Variants in CSGALNACT1 observed in about 807,000 individuals in gnomAD.
CSGALNACT1 encodes the protein beta4GalNAcT-1.
CSGALNACT1 carries 52 observed loss-of-function variants against 51.0 expected under a neutral mutation model. The observed-to-expected ratio is 1.02, with a 90% confidence interval of 0.82 to 1.29. The LOEUF is 1.29. Ranked by LOEUF, CSGALNACT1 falls within the 50% of genes most tolerant of loss-of-function variation. The probability of loss-of-function intolerance (pLI) is 0.00; values close to 1 mark genes in which losing one functional copy is unlikely to be tolerated. For synonymous variants in CSGALNACT1, 341 were observed against 254.4 expected (o/e 1.34, Z -3.24); for missense variants, 935 against 679.2 (o/e 1.38, Z -4.19).
At chr8:19,405,869 G>A (rs1048728781) in exon 10 of CSGALNACT1, 1 of 1,614,086 alleles carries the variant, frequency 6.2e-7, no homozygotes, top group South Asian at 1.1e-5. Context: ...AGCTGGCCGT[G>A]GGATGCCTCG....
chr8:19,666,800 A>AG (rs2059237032), intron 1 of CSGALNACT1, among the ~76,000 whole-genome samples: 2 of 22,356 alleles, frequency 8.9e-5, no homozygotes, highest in African/African-American at 6.4e-4. Context: ...AGAAAGAAAG[A>AG]AAGAAAGAAA....
intron 3 of CSGALNACT1, among the ~76,000 whole-genome samples, chr8:19,553,620 C>CATATATATAT (rs769189103): frequency 5.6e-5 from 4 of 71,580 alleles, no homozygotes; most frequent in African/African-American, 3.7e-4. Flanking sequence ...TATATAAATA[C>CATATATATAT]ATATATATAT....
At chr8:19,585,029 C>G (rs957978264) in intron 3 of CSGALNACT1, 2 of 152,226 alleles carry the variant, frequency 1.3e-5, no homozygotes, top group African/African-American at 4.8e-5. Flanking sequence ...TCTTATCTCC[C>G]TGAACCGCTG....
intron 4 of CSGALNACT1, among the ~76,000 whole-genome samples, chr8:19,460,470 G>C (rs1054416021): frequency 6.6e-6 from 1 of 152,166 alleles, no homozygotes; most frequent in Non-Finnish European, 1.5e-5. Context: ...ATCCACTGTT[G>C]TCTTGGAATG....
chr8:19,543,259 C>T (rs779177755), intron 3 of CSGALNACT1, among the ~76,000 whole-genome samples: 7 of 152,200 alleles, frequency 4.6e-5, no homozygotes, highest in Non-Finnish European at 8.8e-5. Context: ...TCCTATACTT[C>T]AGGTTCAGTG....
intron 3 of CSGALNACT1, among the ~76,000 whole-genome samples, chr8:19,542,971 G>C (rs879806907): frequency 5.9e-5 from 9 of 152,066 alleles, no homozygotes; most frequent in Admixed American, 2.6e-4. Flanking sequence ...TCAACAAGCA[G>C]AGAGCATGGT....
At chr8:19,625,481 C>G (rs2054329943) in intron 1 of CSGALNACT1, among the ~76,000 whole-genome samples, 1 of 152,178 alleles carries the variant, frequency 6.6e-6, no homozygotes, top group African/African-American at 2.4e-5. Context: ...CTGTGTTTCT[C>G]TTTTATCATC....
At chr8:19,451,906 C>G (rs1291565740) in intron 5 of CSGALNACT1, among the ~76,000 whole-genome samples, 1 of 152,158 alleles carries the variant, frequency 6.6e-6, no homozygotes, top group African/African-American at 2.4e-5. Flanking sequence ...ATATATGAAG[C>G]AACACATAAA....
At chr8:19,541,297 C>G (rs1232170297) in intron 3 of CSGALNACT1, among the ~76,000 whole-genome samples, 2 of 137,638 alleles carry the variant, frequency 1.5e-5, no homozygotes, top group East Asian at 4.2e-4. Flanking sequence ...GTCACCTAGG[C>G]TGGAGTGCAC....
chr8:19,705,553 T>C (rs1161077161), intron 1 of CSGALNACT1, among the ~76,000 whole-genome samples: 1 of 152,038 alleles, frequency 6.6e-6, no homozygotes, highest in East Asian at 1.9e-4. Context: ...TTAGGCAATA[T>C]GATGAAACAC....
At chr8:19,446,420 C>A (rs1006906138) in intron 5 of CSGALNACT1, among the ~76,000 whole-genome samples, 5 of 152,108 alleles carry the variant, frequency 3.3e-5, no homozygotes, top group Non-Finnish European at 7.4e-5. Flanking sequence ...GGGAGCTCAT[C>A]ATTTTCCCAT....
chr8:19,616,993 A>G (rs1485771478), intron 1 of CSGALNACT1, among the ~76,000 whole-genome samples: 2 of 152,228 alleles, frequency 1.3e-5, no homozygotes, highest in East Asian at 1.9e-4. Flanking sequence ...ATTGTAACAT[A>G]TAAGAAAATA....
chr8:19,717,969 C>T (rs568766414), intron 1 of CSGALNACT1, among the ~76,000 whole-genome samples: 100 of 152,282 alleles, frequency 6.6e-4, no homozygotes, highest in African/African-American at 2.3e-3. Flanking sequence ...CCTATAACTA[C>T]CCCTGCCCCA....
chr8:19,548,984 C>G (rs551797818), intron 3 of CSGALNACT1, among the ~76,000 whole-genome samples: 117 of 152,016 alleles, frequency 7.7e-4, no homozygotes, highest in African/African-American at 2.7e-3. Flanking sequence ...ATGCCTTATA[C>G]TCTTTGAAAT....
At chr8:19,751,921 T>C (rs2065053293) in intron 1 of CSGALNACT1, among the ~76,000 whole-genome samples, 3 of 152,030 alleles carry the variant, frequency 2.0e-5, no homozygotes, top group Admixed American at 2.0e-4. Context: ...CTTCATAAAT[T>C]ACCCAGTCTC....
chr8:19,598,277 G>A (rs748371702), intron 2 of CSGALNACT1, among the ~76,000 whole-genome samples: 3 of 152,220 alleles, frequency 2.0e-5, no homozygotes, highest in Non-Finnish European at 4.4e-5. Context: ...CCATTCATGT[G>A]CCAGTATGAA....
intron 4 of CSGALNACT1, among the ~76,000 whole-genome samples, chr8:19,465,484 C>T (rs535726167): frequency 6.6e-6 from 1 of 152,274 alleles, no homozygotes; most frequent in Admixed American, 6.5e-5. Flanking sequence ...CTAAAAAATG[C>T]TTTAAATGGT....
At chr8:19,642,417 T>C (rs963883952) in intron 1 of CSGALNACT1, among the ~76,000 whole-genome samples, 5 of 152,042 alleles carry the variant, frequency 3.3e-5, no homozygotes, top group South Asian at 2.1e-4. Flanking sequence ...CAAAACTAAA[T>C]AGCACAGAAA....
chr8:19,543,444 G>A (rs1427007697), intron 3 of CSGALNACT1, among the ~76,000 whole-genome samples: 2 of 152,218 alleles, frequency 1.3e-5, no homozygotes, highest in Admixed American at 6.5e-5. Context: ...AACTGATAAG[G>A]TTGTTTTGCT....
Sources: allele counts gnomAD v4.1 joint callset (sites outside exome capture counted in the v4.1 genomes callset), GRCh38; gene constraint gnomAD v4.1.1; transcripts MANE v1.5; gene names NCBI Gene and HGNC (gene_info 2026-07-23, HGNC 2026-07-21).